FSTL1: variants seen among roughly 807,000 people sequenced by gnomAD.
The protein encoded by FSTL1 is follistatin like 1, also known as follistatin-related protein 1.
FSTL1 carries 24 observed loss-of-function variants against 45.9 expected under a neutral mutation model. The observed-to-expected ratio is 0.52, with a 90% CI of 0.38 to 0.74. The LOEUF is 0.74. FSTL1 is among the 30% of genes least tolerant of loss of function. FSTL1 has a pLI of 0.00. For synonymous variants in FSTL1, 120 were observed against 137.6 expected (o/e 0.87, Z 0.89); for missense variants, 340 against 381.8 (o/e 0.89, Z 0.91).
At position 120,446,446 on chromosome 3, in the gene FSTL1, G is replaced by A. The variant is rs1332797535; in HGVS notation, c.63+4238C>T. Among the ~76,000 whole-genome samples the A allele has an allele frequency of 3.9e-5, 6 of 152,310 alleles. No individual in the cohort carries two copies. In the East Asian group the frequency reaches 1.2e-3, roughly 29 times the overall value. The stretch of plus-strand genomic sequence containing the variant: ...TCCACCTTCTAAAGCCACTTGCGAT[G>A]GCCAGGGCCTCCTATGCTGGGTGCT... On this transcript the variant is annotated intron_variant, in intron 2 of 10. Coordinates refer to ENST00000295633, the MANE Select transcript of FSTL1 (RefSeq NM_007085.5).
chr3:120,445,903 C>T (rs978855704), intron 2 of FSTL1, among the ~76,000 whole-genome samples: 2 of 149,872 alleles, frequency 1.3e-5, no homozygotes, highest in East Asian at 3.9e-4. Flanking sequence ...GGGAAGGCCA[C>T]GCCATTCATG....
intron 2 of FSTL1, among the ~76,000 whole-genome samples, chr3:120,426,351 C>A (rs1937380173): frequency 2.6e-5 from 4 of 151,864 alleles, no homozygotes. Context: ...CCTCCACCCA[C>A]CCCCAGCTTC....
chr3:120,412,413 G>A (rs1445009051), intron 3 of FSTL1, among the ~76,000 whole-genome samples: 1 of 152,170 alleles, frequency 6.6e-6, no homozygotes, highest in Non-Finnish European at 1.5e-5. Flanking sequence ...TGGCCCTTTG[G>A]CCCTTCTGCC....
At chr3:120,438,915 T>G (rs1386050313) in intron 2 of FSTL1, among the ~76,000 whole-genome samples, 2 of 152,152 alleles carry the variant, frequency 1.3e-5, no homozygotes, top group East Asian at 1.9e-4. Context: ...ATCCTGACAG[T>G]CTCATAAATT....
chr3:120,393,696 T>G lies in FSTL1; in HGVS notation c.*3256A>C, dbSNP rs1253438884. On this transcript the variant is annotated 3_prime_UTR_variant, in exon 11 of 11. Coordinates refer to ENST00000295633, the MANE Select transcript of FSTL1 (RefSeq NM_007085.5). ...AATGCACCTGCTATGGTTTGAATGT[T>G]TATGTCCCCCAAAATTCATATGTTA... 1 of 152,182 alleles carries G rather than the reference T, an allele frequency of 6.6e-6. No individual in the cohort carries two copies. The highest frequency in any genetic ancestry group is 1.5e-5 in the Non-Finnish European group (1 of 68,022). 9.4% of individuals were successfully genotyped at this position (152,182 alleles called of 1,614,324 possible).
At chr3:120,399,716 C>T (rs1936779916) in intron 10 of FSTL1, among the ~76,000 whole-genome samples, 167 bp downstream of exon 10, 1 of 152,204 alleles carries the variant, frequency 6.6e-6, no homozygotes, top group African/African-American at 2.4e-5. Context: ...TATCAGGGAA[C>T]TGTCTGTATC....
chr3:120,432,423 CTGCCAGG>C (rs1230940290), intron 2 of FSTL1, among the ~76,000 whole-genome samples: 1 of 152,160 alleles, frequency 6.6e-6, no homozygotes, highest in Non-Finnish European at 1.5e-5. Flanking sequence ...CAATGAGGGA[CTGCCAGG>C]TATTCCGTTC....
chr3:120,448,724 G>C (rs1320167356), intron 2 of FSTL1, among the ~76,000 whole-genome samples: 1 of 152,128 alleles, frequency 6.6e-6, no homozygotes, highest in Non-Finnish European at 1.5e-5. Context: ...TGAGAGCACT[G>C]GATGCTCTTC....
rs1429759962 is a variant in FSTL1, at chr3:120,450,673, C to T, written c.63+11G>A. 6 of 1,559,998 alleles carry T rather than the reference C, an allele frequency of 3.8e-6. No individual in the cohort carries two copies. The highest frequency in any genetic ancestry group is 5.2e-6 in the Non-Finnish European group (6 of 1,160,308). On this transcript the variant is annotated intron_variant, in intron 2 of 10. Coordinates refer to ENST00000295633, the MANE Select transcript of FSTL1 (RefSeq NM_007085.5). ...GGGGACCGAGTTCGGACTCCTCGGCCCCTCGCCTACCTCGGCGCGGACCCA... is the reference window on the plus strand; with the variant it reads ...GGGGACCGAGTTCGGACTCCTCGGCTCCTCGCCTACCTCGGCGCGGACCCA...
intron 3 of FSTL1, among the ~76,000 whole-genome samples, chr3:120,414,593 T>C (rs1232812116): frequency 4.6e-5 from 7 of 152,156 alleles, no homozygotes; most frequent in Non-Finnish European, 8.8e-5. Flanking sequence ...ATGGTTGCCA[T>C]GTCTGTGTAG....
chr3:120,395,900 C>T lies in FSTL1; in HGVS notation c.*1052G>A. The T allele has an allele frequency of 3.0e-6, 1 of 333,514 alleles. No individual in the cohort carries two copies. Among genetic ancestry groups the T allele is most frequent in the East Asian group, 8.9e-5 (1 of 11,298 alleles). The allele number at this position is 333,514 out of a possible 1,614,324, so 20.7% of individuals were successfully genotyped here. A position where few individuals can be genotyped will look rare whatever the true frequency, so the allele number is the denominator to read the frequency against. ...ATATCCTAAGCCCTGCTTGGCTGCC[C>T]TTGTCGCCATCCTTGGGAATACTGA... On this transcript the variant is annotated 3_prime_UTR_variant, in exon 11 of 11. Coordinates refer to ENST00000295633, the MANE Select transcript of FSTL1 (RefSeq NM_007085.5).
chr3:120,412,059 A>G (rs1576213331), intron 3 of FSTL1, 76 bp from the exon 4 acceptor site: 2 of 593,070 alleles, frequency 3.4e-6, no homozygotes, highest in East Asian at 6.2e-5. Flanking sequence ...ACATACATGC[A>G]CACACACACA....
chr3:120,442,812 C>CAA (rs1937652809), intron 2 of FSTL1, among the ~76,000 whole-genome samples: 4 of 129,958 alleles, frequency 3.1e-5, no homozygotes, highest in African/African-American at 1.2e-4. Flanking sequence ...AAAAAAAAAG[C>CAA]AGACTTGGAG....
At chr3:120,413,545 G>A (rs957502251) in intron 3 of FSTL1, among the ~76,000 whole-genome samples, 2 of 152,070 alleles carry the variant, frequency 1.3e-5, no homozygotes, top group African/African-American at 4.8e-5. Context: ...TTAGGTTTCT[G>A]AGTTAGAAAA....
intron 6 of FSTL1, among the ~76,000 whole-genome samples, chr3:120,407,084 T>C (rs1331217511): frequency 6.6e-6 from 1 of 152,258 alleles, no homozygotes; most frequent in Non-Finnish European, 1.5e-5. Context: ...TTTCCACTTA[T>C]GGCATCATGT....
chr3:120,413,062 G>A (rs1397635717), intron 3 of FSTL1, among the ~76,000 whole-genome samples: 1 of 152,164 alleles, frequency 6.6e-6, no homozygotes, highest in African/African-American at 2.4e-5. Context: ...TGGCAACTAG[G>A]TTATGCTTTG....
At chr3:120,399,822 G>C (rs147284645) in intron 10 of FSTL1, 61 bp downstream of exon 10, 1 of 1,132,738 alleles carries the variant, frequency 8.8e-7, no homozygotes, top group African/African-American at 1.5e-5. Context: ...GGCAGTGTTT[G>C]AATGGTATAG....
chr3:120,429,995 T>C (rs1937449556), intron 2 of FSTL1, among the ~76,000 whole-genome samples: 1 of 152,146 alleles, frequency 6.6e-6, no homozygotes, highest in South Asian at 2.1e-4. Context: ...AGGAGTGCAT[T>C]CTTACACATT....
intron 3 of FSTL1, among the ~76,000 whole-genome samples, chr3:120,412,450 A>G (rs974516724): frequency 2.0e-5 from 3 of 152,212 alleles, no homozygotes; most frequent in African/African-American, 7.2e-5. Flanking sequence ...TGCCACATGC[A>G]AGGTGCCATC....
Sources: allele counts gnomAD v4.1 joint callset (sites outside exome capture counted in the v4.1 genomes callset), GRCh38; gene constraint gnomAD v4.1.1; transcripts MANE v1.5; gene names NCBI Gene and HGNC (gene_info 2026-07-23, HGNC 2026-07-21).